NELL1: variants seen among roughly 807,000 people sequenced by gnomAD.
NELL1 encodes the protein neural EGFL like 1, also known as protein kinase C-binding protein NELL1.
NELL1 carries 76 observed loss-of-function variants against 107.4 expected under a neutral mutation model. The observed-to-expected ratio is 0.71, with a 90% confidence interval of 0.59 to 0.86. The LOEUF (loss-of-function observed/expected upper bound fraction) is 0.86. NELL1 is among the 40% of genes least tolerant of loss of function. The pLI is 0.00. For missense variants in NELL1, 1,024 were observed against 1,005.5 expected (o/e 1.02, Z -0.25); for synonymous variants, 353 against 341.2 (o/e 1.03, Z -0.38).
chr11:21,102,359 C>T (rs2133707527), intron 12 of NELL1, among the ~76,000 whole-genome samples: 1 of 152,252 alleles, frequency 6.6e-6, no homozygotes, highest in African/African-American at 2.4e-5. Flanking sequence ...CAGTTTTTCA[C>T]CCCCTTAGAG....
intron 14 of NELL1, among the ~76,000 whole-genome samples, chr11:21,339,202 A>T (rs1850506674): frequency 6.6e-6 from 1 of 152,246 alleles, no homozygotes. Flanking sequence ...AATCATGAAG[A>T]TGTCCCTAAT....
At chr11:21,030,622 A>ATTTTTTTTTTT (rs201033870) in intron 12 of NELL1, among the ~76,000 whole-genome samples, 71 of 120,098 alleles carry the variant, frequency 5.9e-4, no homozygotes, top group Middle Eastern at 4.9e-3. Flanking sequence ...ATTTTCTTGT[A>ATTTTTTTTTTT]TTTTTTTTTT....
At chr11:20,798,715 G>T (rs1194153630) in intron 3 of NELL1, among the ~76,000 whole-genome samples, 1 of 152,218 alleles carries the variant, frequency 6.6e-6, no homozygotes, top group East Asian at 1.9e-4. Context: ...TGCAATGACA[G>T]TGATTCTGGG....
intron 14 of NELL1, among the ~76,000 whole-genome samples, chr11:21,249,902 A>G (rs1383058863): frequency 1.3e-5 from 2 of 152,242 alleles, no homozygotes; most frequent in Non-Finnish European, 2.9e-5. Flanking sequence ...GAAGATTTGG[A>G]CAAAAAACTG....
intron 16 of NELL1, among the ~76,000 whole-genome samples, chr11:21,558,062 A>G (rs559175286): frequency 2.0e-5 from 3 of 152,120 alleles, no homozygotes; most frequent in Admixed American, 1.3e-4. Context: ...GTCTTGCCAT[A>G]TAAGAGATGG....
chr11:20,706,479 G>T (rs1854959082), intron 2 of NELL1, among the ~76,000 whole-genome samples: 1 of 147,028 alleles, frequency 6.8e-6, no homozygotes, highest in Admixed American at 6.8e-5. Flanking sequence ...GAGAACACAT[G>T]GACACAGGAA....
At chr11:21,141,409 T>C (rs1320303937) in intron 13 of NELL1, among the ~76,000 whole-genome samples, 1 of 152,180 alleles carries the variant, frequency 6.6e-6, no homozygotes, top group Non-Finnish European at 1.5e-5. Context: ...GCGTTTCCTA[T>C]TTGTTTTTTA....
intron 13 of NELL1, among the ~76,000 whole-genome samples, chr11:21,178,407 C>T (rs1367875828): frequency 1.3e-5 from 2 of 151,804 alleles, no homozygotes; most frequent in African/African-American, 4.9e-5. Flanking sequence ...CTTAAGGACA[C>T]TTTGCTAGGG....
chr11:21,437,288 A>C (rs534972095), intron 15 of NELL1, among the ~76,000 whole-genome samples: 20 of 152,322 alleles, frequency 1.3e-4, no homozygotes, highest in South Asian at 6.2e-4. Flanking sequence ...ATTTATCTGC[A>C]TACTCCATTC....
At position 21,358,707 on chromosome 11, in the gene NELL1, G is replaced by A. The variant is rs183256505; in HGVS notation, c.1550-12146G>A. On this transcript the variant is annotated intron_variant, in intron 14 of 19. Coordinates refer to ENST00000357134, the MANE Select transcript of NELL1 (RefSeq NM_006157.5). The stretch of plus-strand genomic sequence containing the variant: ...GGTGGGATTACAGGCGTGACCCACC[G>A]TGCCCGGCCTTTTTGTTGTTGTTGT... Among the ~76,000 whole-genome samples, 949 of 147,926 alleles carry A rather than the reference G, an allele frequency of 6.4e-3. 5 individuals are homozygous for A. Among genetic ancestry groups the A allele is most frequent in the Non-Finnish European group, 9.1e-3 (604 of 66,684 alleles).
chr11:21,571,188 A>G (rs542890510), intron 18 of NELL1, among the ~76,000 whole-genome samples: 2 of 152,056 alleles, frequency 1.3e-5, no homozygotes, highest in Middle Eastern at 6.8e-3. Context: ...CTATTACTAA[A>G]AAGAAATCAA....
chr11:21,282,541 G>A (rs1416299299), intron 14 of NELL1, among the ~76,000 whole-genome samples: 2 of 151,408 alleles, frequency 1.3e-5, no homozygotes, highest in Admixed American at 6.6e-5. Flanking sequence ...CGGCAAGGGT[G>A]TAGAGAAAAG....
At chr11:21,369,570 A>G (rs1436054999) in intron 14 of NELL1, among the ~76,000 whole-genome samples, 4 of 151,996 alleles carry the variant, frequency 2.6e-5, no homozygotes, top group Non-Finnish European at 4.4e-5. Flanking sequence ...CGTATTTGGA[A>G]TAGTGTTCAG....
At chr11:20,956,991 GA>G (rs141566862) in intron 11 of NELL1, among the ~76,000 whole-genome samples, 1 of 151,414 alleles carries the variant, frequency 6.6e-6, no homozygotes, top group Non-Finnish European at 1.5e-5. Flanking sequence ...GTAAGGGGGA[GA>G]AAAAAAACAA....
intron 14 of NELL1, among the ~76,000 whole-genome samples, chr11:21,264,290 A>C (rs910337334): frequency 2.0e-5 from 3 of 152,006 alleles, no homozygotes; most frequent in Non-Finnish European, 4.4e-5. Flanking sequence ...TTGGCATCTC[A>C]CTTTCCTTAT....
chr11:20,774,318 C>G (rs1210388977), intron 2 of NELL1, among the ~76,000 whole-genome samples: 8 of 144,156 alleles, frequency 5.5e-5, no homozygotes, highest in African/African-American at 2.1e-4. Flanking sequence ...CCTTCCTCTC[C>G]TTTCTTTTTT....
At chr11:20,917,634 T>C (rs2134158285) in intron 5 of NELL1, among the ~76,000 whole-genome samples, 1 of 152,138 alleles carries the variant, frequency 6.6e-6, no homozygotes, top group African/African-American at 2.4e-5. Context: ...AAATTTGAGC[T>C]ATTCTTCCAG....
intron 14 of NELL1, among the ~76,000 whole-genome samples, chr11:21,285,331 G>A (rs1346614883): frequency 2.6e-5 from 4 of 152,024 alleles, no homozygotes; most frequent in Non-Finnish European, 5.9e-5. Context: ...TCTTTATCTT[G>A]GTCATTAACA....
At chr11:20,919,488 A>G (rs551857163) in intron 7 of NELL1, among the ~76,000 whole-genome samples, 154 bp downstream of exon 7, 11 of 152,222 alleles carry the variant, frequency 7.2e-5, no homozygotes, top group Admixed American at 5.9e-4. Context: ...AGGACTACCA[A>G]TAGTAAACAT....
Sources: allele counts gnomAD v4.1 joint callset (sites outside exome capture counted in the v4.1 genomes callset), GRCh38; gene constraint gnomAD v4.1.1; transcripts MANE v1.5; gene names NCBI Gene and HGNC (gene_info 2026-07-23, HGNC 2026-07-21).